The following MICU2 variants were observed in gnomAD, a reference collection of about 807,000 sequenced individuals.
MICU2 encodes the protein calcium uptake protein 2, mitochondrial.
In MICU2, 64 loss-of-function variants were observed where a neutral mutation model predicts 60.4. The observed-to-expected ratio is 1.06, with a 90% CI of 0.87 to 1.31. The LOEUF (loss-of-function observed/expected upper bound fraction) is 1.31, where lower values mean the gene tolerates loss of function less well. Among genes scored for constraint, MICU2 ranks in the 50% most tolerant of loss-of-function variants. MICU2 has a pLI of 0.00. For synonymous variants in MICU2, 201 were observed against 175.0 expected, an observed-to-expected ratio of 1.15 and a Z score of -1.17; for missense variants, 569 against 531.0, an observed-to-expected ratio of 1.07 and a Z score of -0.70.
chr13:21,523,790 T>A (rs937622352), intron 4 of MICU2, among the ~76,000 whole-genome samples: 2 of 152,242 alleles, frequency 1.3e-5, no homozygotes, highest in African/African-American at 4.8e-5. Flanking sequence ...GGATTTCTGA[T>A]GCAAATGCTG....
intron 2 of MICU2, among the ~76,000 whole-genome samples, chr13:21,555,990 A>G (rs987477078): frequency 6.6e-6 from 1 of 152,148 alleles, no homozygotes; most frequent in Non-Finnish European, 1.5e-5. Flanking sequence ...CTGCACTGCC[A>G]AGTTTTCCTG....
chr13:21,566,561 G>C (rs1344790644), intron 2 of MICU2, among the ~76,000 whole-genome samples: 1 of 151,346 alleles, frequency 6.6e-6, no homozygotes, highest in Non-Finnish European at 1.5e-5. Flanking sequence ...ATATTTAGTA[G>C]CAATTAAAAC....
In MICU2 at chr13:21,508,238, G is replaced by A. The variant is rs111237899; in HGVS notation, c.761+1766C>T. On this transcript the variant is annotated intron_variant, in intron 8 of 11. Transcript: ENST00000382374. ...CCTCCCGGGTTCACACCATTCTCCT[G>A]CCTCAGCCTCCCAAGTAGCAGGGTC... Among the ~76,000 whole-genome samples the A allele has an allele frequency of 9.2e-3, 1,386 of 150,848 alleles. 19 individuals carry two copies. Among genetic ancestry groups the A allele is most frequent in the African/African-American group, 0.032 (1,333 of 41,024 alleles).
In MICU2 at chr13:21,566,867, G is replaced by A. The variant is rs771113308; in HGVS notation, c.288C>T (p.Leu96=). 2.5e-6 allele frequency: 4 copies of A among 1,612,504 alleles called. No individual in the cohort carries two copies. Among genetic ancestry groups the A allele is most frequent in the African/African-American group, 2.7e-5 (2 of 74,758 alleles). ...RKQRFMQFSS[L]EHEGEYYMTP... is the part of the protein sequence containing the mutation. ...TCATATAATATTCTCCTTCATGTTC[G>A]AGTGAAGAAAACTGCATGAAGCGCT... The change falls in exon 2 of 12, where the codon CTC becomes CTT. Residue 96 remains leucine, a synonymous_variant. Coordinates refer to ENST00000382374, the MANE Select transcript of MICU2 (RefSeq NM_152726.3).
chr13:21,492,704 T>C lies in MICU2; in HGVS notation c.*545A>G, dbSNP rs1327358051. 3 of 152,360 alleles carry C rather than the reference T, an allele frequency of 2.0e-5. No individual in the cohort carries two copies. The highest frequency in any genetic ancestry group is 6.5e-5 in the Admixed American group (1 of 15,278). 9.4% of individuals were successfully genotyped at this position (152,360 alleles called of 1,614,324 possible). On this transcript the variant is annotated 3_prime_UTR_variant, in exon 12 of 12. Coordinates refer to ENST00000382374, the MANE Select transcript of MICU2 (RefSeq NM_152726.3). Reference sequence around the variant, plus strand: ...AGCACCTCAGTATTTTTTGTATCTATGTAAATATTTTATTCTGCTTCCAGA... The same window carrying C: ...AGCACCTCAGTATTTTTTGTATCTACGTAAATATTTTATTCTGCTTCCAGA...
intron 1 of MICU2, among the ~76,000 whole-genome samples, chr13:21,577,932 T>C (rs375646687): frequency 4.6e-5 from 7 of 151,230 alleles, no homozygotes; most frequent in Non-Finnish European, 1.0e-4. Context: ...GGAGCTATAA[T>C]TGTGCCACTG....
intron 2 of MICU2, among the ~76,000 whole-genome samples, chr13:21,557,473 C>A (rs1451388622): frequency 3.9e-5 from 6 of 152,092 alleles, no homozygotes; most frequent in Non-Finnish European, 5.9e-5. Context: ...GAATGAGTAT[C>A]TACTTGAAAG....
intron 11 of MICU2, among the ~76,000 whole-genome samples, chr13:21,493,940 C>T (rs1885925843): frequency 6.6e-6 from 1 of 152,112 alleles, no homozygotes; most frequent in African/African-American, 2.4e-5. Context: ...CGGGGGACCA[C>T]AGGAGCATAG....
chr13:21,599,044 T>G (rs1593363077), intron 1 of MICU2, among the ~76,000 whole-genome samples: 1 of 152,146 alleles, frequency 6.6e-6, no homozygotes, highest in African/African-American at 2.4e-5. Flanking sequence ...CAAAACCTAC[T>G]GTGAACTGTA....
chr13:21,550,299 G>T (rs999282405), intron 2 of MICU2, among the ~76,000 whole-genome samples: 8 of 152,164 alleles, frequency 5.3e-5, no homozygotes, highest in Non-Finnish European at 8.8e-5. Flanking sequence ...TGCTTTTGGA[G>T]GCCAAGACGG....
intron 2 of MICU2, among the ~76,000 whole-genome samples, chr13:21,555,832 C>T (rs1023789248): frequency 6.6e-6 from 1 of 152,128 alleles, no homozygotes; most frequent in Non-Finnish European, 1.5e-5. Context: ...GACCAGCTTC[C>T]ATTAGATGTC....
intron 8 of MICU2, among the ~76,000 whole-genome samples, chr13:21,508,344 C>T (rs774696862): frequency 2.6e-5 from 4 of 151,868 alleles, no homozygotes; most frequent in Admixed American, 6.5e-5. Flanking sequence ...CCAGGATGGT[C>T]TCGGTCTCCT....
intron 2 of MICU2, among the ~76,000 whole-genome samples, chr13:21,542,306 T>C (rs979549457): frequency 5.9e-5 from 9 of 152,242 alleles, no homozygotes; most frequent in Non-Finnish European, 1.0e-4. Flanking sequence ...CCTACAGCAG[T>C]AACAAGGCAA....
At chr13:21,594,025 A>G (rs1003470394) in intron 1 of MICU2, among the ~76,000 whole-genome samples, 2 of 152,242 alleles carry the variant, frequency 1.3e-5, no homozygotes, top group African/African-American at 4.8e-5. Context: ...GCCAAAATTG[A>G]CAAATGGGAT....
intron 6 of MICU2, among the ~76,000 whole-genome samples, chr13:21,514,731 G>A (rs922392636): frequency 4.7e-5 from 7 of 150,216 alleles, no homozygotes; most frequent in South Asian, 2.1e-4. Flanking sequence ...TAGTAGAGAC[G>A]GGGTTTCACC....
chr13:21,520,982 T>C (rs1316765495), intron 6 of MICU2, among the ~76,000 whole-genome samples: 1 of 152,162 alleles, frequency 6.6e-6, no homozygotes. Context: ...TCTTACCATA[T>C]TATTTGCTGA....
At chr13:21,516,801 G>A (rs920808491) in intron 6 of MICU2, among the ~76,000 whole-genome samples, 7 of 152,122 alleles carry the variant, frequency 4.6e-5, no homozygotes, top group Non-Finnish European at 7.4e-5. Context: ...ACTCTAGCAG[G>A]TGTATTTAGT....
At chr13:21,558,527 G>A (rs1228482525) in intron 2 of MICU2, among the ~76,000 whole-genome samples, 1 of 152,134 alleles carries the variant, frequency 6.6e-6, no homozygotes, top group Admixed American at 6.5e-5. Flanking sequence ...TTTGAGTGTG[G>A]ATCTTAGGCT....
At chr13:21,601,918 A>T (rs962189359) in intron 1 of MICU2, among the ~76,000 whole-genome samples, 1 of 151,688 alleles carries the variant, frequency 6.6e-6, no homozygotes, top group African/African-American at 2.4e-5. Flanking sequence ...ATCCTGGCCA[A>T]CATGGTGAAA....
Sources: allele counts gnomAD v4.1 joint callset (sites outside exome capture counted in the v4.1 genomes callset), GRCh38; gene constraint gnomAD v4.1.1; transcripts MANE v1.5; gene names NCBI Gene and HGNC (gene_info 2026-07-23, HGNC 2026-07-21).